The following PIK3CD variants were observed in gnomAD, a reference collection of about 807,000 sequenced individuals.
PIK3CD encodes phosphatidylinositol-4,5-bisphosphate 3-kinase catalytic subunit delta.
Under a neutral mutation model 122.9 loss-of-function variants are expected in PIK3CD, and 20 were observed. That is an observed-to-expected ratio of 0.16 (90% CI 0.11 to 0.24). The LOEUF (loss-of-function observed/expected upper bound fraction) is 0.24. Ranked by LOEUF, PIK3CD falls within the 10% of genes least tolerant of loss-of-function variation. PIK3CD has a pLI of 1.00. For synonymous variants in PIK3CD, 596 were observed against 593.4 expected, an observed-to-expected ratio of 1.00 and a Z score of -0.06; for missense variants, 787 against 1,406.3, an observed-to-expected ratio of 0.56 and a Z score of 7.04.
At chr1:9,707,595 G>C (rs1646887858) in intron 2 of PIK3CD, among the ~76,000 whole-genome samples, 1 of 151,904 alleles carries the variant, frequency 6.6e-6, no homozygotes, top group Non-Finnish European at 1.5e-5. Context: ...CCACTTATAG[G>C]TGAGAACATA....
chr1:9,680,198 A>T (rs1570181969), intron 1 of PIK3CD, among the ~76,000 whole-genome samples: 1 of 151,320 alleles, frequency 6.6e-6, no homozygotes, highest in Non-Finnish European at 1.5e-5. Context: ...CTGGTTTCAA[A>T]CTCTTGGTGT....
chr1:9,647,566 A>C (rs951965414), upstream of PIK3CD, among the ~76,000 whole-genome samples: 1 of 150,920 alleles, frequency 6.6e-6, no homozygotes, highest in Admixed American at 6.6e-5. Flanking sequence ...TGCAGAGGTG[A>C]GATCACAGCT....
In PIK3CD at chr1:9,718,187, A is replaced by G. The variant is rs1197277756; in HGVS notation, c.1021-507A>G. On this transcript the variant is annotated intron_variant, in intron 8 of 23. Coordinates refer to ENST00000377346, the MANE Select transcript of PIK3CD (RefSeq NM_005026.5). This position sits in a 1 kb window ranked among gnomAD's most constrained non-coding sequence, Gnocchi z 7.2. ...GGCCCTCCTGCCTGGAGTGTGTTTC[A>G]CTGGGGAAATCGTATAAGCAGGGCA... 2 of 464,272 alleles carry G rather than the reference A, an allele frequency of 4.3e-6. No homozygotes were observed. Among genetic ancestry groups the G allele is most frequent in the Admixed American group, 4.7e-5 (2 of 42,744 alleles). 28.8% of individuals were successfully genotyped at this position (464,272 alleles called of 1,614,324 possible). A position where few individuals can be genotyped will look rare whatever the true frequency, so the allele number is the denominator to read the frequency against.
At chr1:9,642,919 C>T in the PIK3CD span, among the ~76,000 whole-genome samples, 11 of 149,896 alleles carry the variant, frequency 7.3e-5, no homozygotes, top group Admixed American at 3.3e-4. Context: ...AGCGAGACCT[C>T]GTCTCCAAAA....
chr1:9,697,760 G>A (rs114958558), intron 2 of PIK3CD, among the ~76,000 whole-genome samples: 2,119 of 152,110 alleles, frequency 0.014, 38 homozygotes, highest in Middle Eastern at 0.051. Context: ...GCTGAGCGCG[G>A]TGGCTCACAC....
Position 9,727,197 on chromosome 1 carries a change from G to A in PIK3CD, c.*151G>A. 1.1e-6 allele frequency: 1 copy of A among 891,300 alleles called. No individual in the cohort carries two copies. The highest frequency in any genetic ancestry group is 1.8e-6 in the Non-Finnish European group (1 of 559,080). The allele number at this position is 891,300 out of a possible 1,614,324, so 55.2% of individuals were successfully genotyped here. ...TTGTTTACACTGGTTATTTATTTAT[G>A]ACTTGAAATAGTTTAAGGAGCTAAA... On this transcript the variant is annotated 3_prime_UTR_variant, in exon 24 of 24. Transcript: ENST00000377346.
the PIK3CD span, among the ~76,000 whole-genome samples, chr1:9,630,189 C>CTGG: frequency 6.6e-6 from 1 of 152,228 alleles, no homozygotes; most frequent in Admixed American, 6.5e-5. Context: ...CCACGTCTGT[C>CTGG]TGGTGATACC....
intron 1 of PIK3CD, among the ~76,000 whole-genome samples, chr1:9,678,002 G>A (rs1407140066): frequency 6.6e-6 from 1 of 152,058 alleles, no homozygotes; most frequent in Non-Finnish European, 1.5e-5. Context: ...AAATTAGCTG[G>A]GTGTGGTGGC....
chr1:9,717,558 T>C lies in PIK3CD; in HGVS notation c.952T>C (p.Ser318Pro). The C allele has an allele frequency of 6.2e-7, 1 of 1,614,034 alleles. No individual in the cohort carries two copies. The highest frequency in any genetic ancestry group is 1.1e-5 in the South Asian group (1 of 91,070). Residue 318 changes from serine (S) to proline (P), a missense_variant, in exon 8 of 24, where the codon TCC (serine) becomes CCC (proline). Ser to Pro is a moderately conservative substitution (Grantham distance 74). Transcript: ENST00000377346. This position sits in a 1 kb window ranked among gnomAD's most constrained non-coding sequence, Gnocchi z 5.4. ...AKKPSSVSLW[S>P]LEQPFRIELI... ...CCAGCCTTCCTCTGTGTCCCTGTGG[T>C]CCCTGGAGCAGCCGTTCCGCATCGA...
the PIK3CD span, among the ~76,000 whole-genome samples, chr1:9,642,742 C>T: frequency 6.7e-6 from 1 of 150,370 alleles, no homozygotes; most frequent in East Asian, 2.0e-4. Context: ...AAACTTGACC[C>T]ACTGAATGGT....
chr1:9,719,366 A>C lies in PIK3CD; in HGVS notation c.1242+451A>C, dbSNP rs1407634292. On this transcript the variant is annotated intron_variant, in intron 9 of 23. Transcript: ENST00000377346. This position sits in a 1 kb window ranked among gnomAD's most constrained non-coding sequence, Gnocchi z 5.5. ...TGGGCTGTCTGTTTGGGGATTTCTC[A>C]AGAAGCCAGGAGGGCCAGGCGTGGT... 6.6e-6 allele frequency among the ~76,000 whole-genome samples: 1 copy of C among 152,082 alleles called. No homozygotes were observed. The highest frequency in any genetic ancestry group is 1.5e-5 in the Non-Finnish European group (1 of 68,006).
At chr1:9,635,507 ACT>A in the PIK3CD span, among the ~76,000 whole-genome samples, 1 of 151,930 alleles carries the variant, frequency 6.6e-6, no homozygotes, top group African/African-American at 2.4e-5. Flanking sequence ...AAGAACACTA[ACT>A]CTATTCCCTT....
Position 9,723,660 on chromosome 1 carries a change from C to A in PIK3CD, c.2595-309C>A, listed in dbSNP as rs1649041956. Among the ~76,000 whole-genome samples, 1 of 152,144 alleles carries A rather than the reference C, an allele frequency of 6.6e-6. No individual in the cohort carries two copies. ...CTGGGCCAGTGGGGTCTGAGATAAC[C>A]CATCTCATTCCTGGGGCCTTGGCGC... On this transcript the variant is annotated intron_variant, in intron 20 of 23. Coordinates refer to ENST00000377346, the MANE Select transcript of PIK3CD (RefSeq NM_005026.5). The surrounding 1 kb of genome is among the most constrained non-coding windows in gnomAD (Gnocchi z 4.9).
At chr1:9,679,689 CTT>C (rs1645675491) in intron 1 of PIK3CD, among the ~76,000 whole-genome samples, 1 of 152,188 alleles carries the variant, frequency 6.6e-6, no homozygotes, top group Non-Finnish European at 1.5e-5. Flanking sequence ...GCACCAGTGA[CTT>C]TGCCTCTTCT....
In PIK3CD at chr1:9,652,237, G is replaced by A. The variant is rs1644697436; in HGVS notation, c.-138+435G>A. On this transcript the variant is annotated intron_variant, in intron 1 of 23. Coordinates refer to ENST00000377346, the MANE Select transcript of PIK3CD (RefSeq NM_005026.5). The surrounding 1 kb of genome is among the most constrained non-coding windows in gnomAD (Gnocchi z 6.2). ...CCGAGCGCTGACTAGAGGACCAGGG[G>A]CCTCCTCTGTACGGCAGCGGGGTCC... is the stretch of plus-strand genomic sequence containing the variant. Among the ~76,000 whole-genome samples the A allele has an allele frequency of 6.6e-6, 1 of 152,242 alleles. No individual in the cohort carries two copies. Among genetic ancestry groups the A allele is most frequent in the South Asian group, 2.1e-4 (1 of 4,836 alleles).
At chr1:9,693,664 A>C (rs1646291199) in intron 2 of PIK3CD, among the ~76,000 whole-genome samples, 1 of 152,138 alleles carries the variant, frequency 6.6e-6, no homozygotes, top group Non-Finnish European at 1.5e-5. Context: ...AATGAAAGTA[A>C]AGGAATAAGA....
chr1:9,654,010 G>A, intron 1 of PIK3CD: 1 of 1,308,428 alleles, frequency 7.6e-7, no homozygotes, highest in African/African-American at 1.5e-5. Context: ...GTTCAAGGTT[G>A]CAGTAAGCTA....
Position 9,720,391 on chromosome 1 carries a change from G to T in PIK3CD, c.1470+149G>T, listed in dbSNP as rs779590251. 13 of 1,371,160 alleles carry T rather than the reference G, an allele frequency of 9.5e-6. No individual in the cohort carries two copies. Among genetic ancestry groups the T allele is most frequent in the African/African-American group, 1.5e-5 (1 of 68,686 alleles). 84.9% of individuals were successfully genotyped at this position (1,371,160 alleles called of 1,614,324 possible). Reference sequence around the variant, plus strand: ...GGCCTTCCCAGGGGCCATTTTGCCTGCAGGGATGCTGCGCAGTCTGATGAC... The same window carrying T: ...GGCCTTCCCAGGGGCCATTTTGCCTTCAGGGATGCTGCGCAGTCTGATGAC... On this transcript the variant is annotated intron_variant, in intron 11 of 23. Coordinates refer to ENST00000377346, the MANE Select transcript of PIK3CD (RefSeq NM_005026.5). This position sits in a 1 kb window ranked among gnomAD's most constrained non-coding sequence, Gnocchi z 9.0.
chr1:9,677,871 C>T (rs1297973598), intron 1 of PIK3CD, among the ~76,000 whole-genome samples: 3 of 151,974 alleles, frequency 2.0e-5, no homozygotes, highest in South Asian at 4.1e-4. Context: ...AGAATCTGGG[C>T]CGGGCGTGGT....
Sources: allele counts gnomAD v4.1 joint callset (sites outside exome capture counted in the v4.1 genomes callset), GRCh38; gene constraint gnomAD v4.1.1; non-coding constraint Gnocchi (gnomAD v3.1); transcripts MANE v1.5; gene names NCBI Gene and HGNC (gene_info 2026-07-23, HGNC 2026-07-21).